Variants in CCDC30 observed in about 807,000 individuals in gnomAD.
CCDC30 encodes coiled-coil domain-containing protein 30.
CCDC30 carries 70 observed loss-of-function variants against 100.2 expected under a neutral mutation model. The ratio of observed to expected loss-of-function variants is 0.70; its 90% CI spans 0.58 to 0.85. The LOEUF (loss-of-function observed/expected upper bound fraction) is 0.85. CCDC30 is among the 40% of genes least tolerant of loss of function. The pLI, the probability that CCDC30 is intolerant of heterozygous loss-of-function variation, is 0.00. For missense variants in CCDC30, 652 were observed against 771.2 expected (o/e 0.85, Z 1.83); for synonymous variants, 233 against 269.5 (o/e 0.86, Z 1.33).
At chr1:42,549,203 T>G (rs1336311976) in intron 6 of CCDC30, among the ~76,000 whole-genome samples, 2 of 152,168 alleles carry the variant, frequency 1.3e-5, no homozygotes, top group African/African-American at 4.8e-5. Flanking sequence ...AAGCTCCACT[T>G]TTATGTTTCA....
intron 11 of CCDC30, among the ~76,000 whole-genome samples, chr1:42,626,886 G>T (rs1298462284): frequency 6.6e-6 from 1 of 152,094 alleles, no homozygotes; most frequent in Non-Finnish European, 1.5e-5. Flanking sequence ...CCAGTTTCAG[G>T]TATATATCTT....
intron 3 of CCDC30, 124 bp from the exon 4 acceptor site, chr1:42,490,034 A>C (rs1379855471): frequency 2.8e-6 from 1 of 361,766 alleles, no homozygotes; most frequent in Non-Finnish European, 4.8e-6. Flanking sequence ...GCTGACATTT[A>C]AGCAGAAACT....
chr1:42,618,415 T>C (rs1482528667), intron 11 of CCDC30, among the ~76,000 whole-genome samples: 2 of 152,070 alleles, frequency 1.3e-5, no homozygotes, highest in East Asian at 3.9e-4. Flanking sequence ...TTTGTATTTT[T>C]AATAGAGACA....
At chr1:42,605,637 C>T (rs1646487237) in intron 10 of CCDC30, among the ~76,000 whole-genome samples, 1 of 152,050 alleles carries the variant, frequency 6.6e-6, no homozygotes, top group African/African-American at 2.4e-5. Context: ...TGCAACCATG[C>T]CTGGCTATTT....
intron 6 of CCDC30, among the ~76,000 whole-genome samples, chr1:42,501,535 T>C (rs1177127083): frequency 1.3e-5 from 2 of 152,246 alleles, no homozygotes. Context: ...GGTGCTCTGA[T>C]TTTTAGAATT....
chr1:42,615,374 C>T (rs923495381), intron 11 of CCDC30, among the ~76,000 whole-genome samples: 4 of 152,134 alleles, frequency 2.6e-5, no homozygotes, highest in Middle Eastern at 3.4e-3. Context: ...CTTGGCTCAC[C>T]GCAACCTCTA....
Position 42,554,209 on chromosome 1 carries a change from GATT to G in CCDC30, c.457-12083_457-12081del, listed in dbSNP as rs370948967. Among the ~76,000 whole-genome samples the G allele has an allele frequency of 6.1e-3, 913 of 150,524 alleles. 5 individuals are homozygous for G. Among genetic ancestry groups the G allele is most frequent in the African/African-American group, 0.021 (853 of 41,070 alleles). The stretch of plus-strand genomic sequence containing the variant: ...TACAGTCATCTTTTTTCTTCTTATG[GATT>G]ATTTTATTGCAGTAAACTCATTCAT... On this transcript the variant is annotated intron_variant, in intron 6 of 16. Transcript: ENST00000668663.
intron 6 of CCDC30, among the ~76,000 whole-genome samples, chr1:42,520,755 C>G (rs1418925144): frequency 5.3e-5 from 8 of 150,386 alleles, no homozygotes; most frequent in African/African-American, 4.9e-5. Context: ...ATTCTCCTGC[C>G]TCAGCCTCCC....
intron 6 of CCDC30, among the ~76,000 whole-genome samples, chr1:42,508,219 C>A (rs1310245569): frequency 6.6e-6 from 1 of 152,148 alleles, no homozygotes; most frequent in African/African-American, 2.4e-5. Flanking sequence ...ATAAAGGGTG[C>A]CATTTTATAG....
rs1042899944 is a variant in CCDC30, at chr1:42,522,869, A to G, written c.456+23953A>G. Reference sequence around the variant, plus strand: ...AGTGGAGTTACAAACCATTGTTACAATATTACTTTTTTTTCTTTTTTTTTG... The same window carrying G: ...AGTGGAGTTACAAACCATTGTTACAGTATTACTTTTTTTTCTTTTTTTTTG... On this transcript the variant is annotated intron_variant, in intron 6 of 16. Coordinates refer to ENST00000668663, the Ensembl canonical transcript of CCDC30. Among the ~76,000 whole-genome samples, 6 of 152,100 alleles carry G rather than the reference A, an allele frequency of 3.9e-5. No homozygotes were observed. In the South Asian group the frequency reaches 1.0e-3, roughly 26 times the overall value.
At chr1:42,585,330 A>C (rs1646046793) in intron 9 of CCDC30, among the ~76,000 whole-genome samples, 1 of 152,104 alleles carries the variant, frequency 6.6e-6, no homozygotes, top group South Asian at 2.1e-4. Flanking sequence ...AAGTTCCTGC[A>C]TTCAAGTGAT....
At chr1:42,518,229 TATAA>T (rs1187764423) in intron 6 of CCDC30, among the ~76,000 whole-genome samples, 3 of 152,186 alleles carry the variant, frequency 2.0e-5, no homozygotes, top group African/African-American at 7.2e-5. Context: ...TTCATGCTAT[TATAA>T]ATAGAATTGT....
At chr1:42,550,509 C>A (rs1277746026) in intron 6 of CCDC30, among the ~76,000 whole-genome samples, 1 of 152,174 alleles carries the variant, frequency 6.6e-6, no homozygotes, top group Non-Finnish European at 1.5e-5. Context: ...CTTTTAGATC[C>A]TCCAACTTTT....
chr1:42,481,267 G>C (rs1643952720), intron 2 of CCDC30, among the ~76,000 whole-genome samples: 1 of 151,836 alleles, frequency 6.6e-6, no homozygotes, highest in African/African-American at 2.4e-5. Flanking sequence ...TCTATGTTAT[G>C]TCCTTTTAAA....
chr1:42,502,649 A>C (rs1644337907), intron 6 of CCDC30, among the ~76,000 whole-genome samples: 2 of 152,098 alleles, frequency 1.3e-5, no homozygotes, highest in African/African-American at 4.8e-5. Flanking sequence ...CCCCCAAGAG[A>C]GAAACTCTAT....
chr1:42,497,663 A>G (rs1200968976), intron 5 of CCDC30, among the ~76,000 whole-genome samples: 6 of 152,300 alleles, frequency 3.9e-5, no homozygotes, highest in African/African-American at 1.2e-4. Context: ...GTTTATATTC[A>G]TTAAATAATC....
At chr1:42,642,010 G>T (rs1647454897) in intron 12 of CCDC30, among the ~76,000 whole-genome samples, 1 of 152,150 alleles carries the variant, frequency 6.6e-6, no homozygotes, top group African/African-American at 2.4e-5. Flanking sequence ...CGGATCACAA[G>T]GTCAGGAGAT....
exon 17 of CCDC30, chr1:42,653,925 A>G: frequency 6.2e-7 from 1 of 1,614,142 alleles, no homozygotes; most frequent in Non-Finnish European, 8.5e-7. Flanking sequence ...AAGTCTCCTG[A>G]GAATCTTGTG....
At chr1:42,630,261 C>T (rs1647012327) in intron 11 of CCDC30, among the ~76,000 whole-genome samples, 1 of 152,178 alleles carries the variant, frequency 6.6e-6, no homozygotes, top group Non-Finnish European at 1.5e-5. Context: ...AGGCGTGAGC[C>T]ACTGTTCCTG....
Sources: allele counts gnomAD v4.1 joint callset (sites outside exome capture counted in the v4.1 genomes callset), GRCh38; gene constraint gnomAD v4.1.1; transcripts MANE v1.5; gene names NCBI Gene and HGNC (gene_info 2026-07-23, HGNC 2026-07-21).